ANKRD36C: variants seen among roughly 807,000 people sequenced by gnomAD.
ANKRD36C encodes the protein ankyrin repeat domain 36C.
ANKRD36C carries 61 observed loss-of-function variants against 276.4 expected under a neutral mutation model. The ratio of observed to expected loss-of-function variants is 0.22; its 90% CI spans 0.18 to 0.27. The LOEUF is 0.27. Among genes scored for constraint, ANKRD36C ranks in the 10% least tolerant of loss-of-function variants. The pLI, the probability that ANKRD36C is intolerant of heterozygous loss-of-function variation, is 1.00. For synonymous variants in ANKRD36C, 483 were observed against 680.1 expected (o/e 0.71, Z 4.51); for missense variants, 1,447 against 2,032.3 (o/e 0.71, Z 5.54).
intron 26 of ANKRD36C, among the ~76,000 whole-genome samples, chr2:95,927,661 A>G (rs1677444619): frequency 6.6e-6 from 1 of 151,618 alleles, no homozygotes; most frequent in Admixed American, 6.6e-5. Flanking sequence ...CTAAAATAAA[A>G]CCGTGTCAAT....
chr2:95,931,839 T>TACACACACATAAACACACAC, intron 24 of ANKRD36C, among the ~76,000 whole-genome samples: 1 of 115,464 alleles, frequency 8.7e-6, no homozygotes, highest in Non-Finnish European at 2.0e-5. Context: ...GAGAAAAAAA[T>TACACACACATAAACACACAC]ACACACACAT....
Position 95,982,354 on chromosome 2 carries a change from A to T in ANKRD36C, c.495T>A (p.Tyr165Ter). The stretch of plus-strand genomic sequence containing the variant: ...GACTCACAGCAAGGAACAGTGGCGG[A>T]TATTCATCCTGTAAAATAACAGCAA... The change falls in exon 4 of 67, where the codon TAT (tyrosine) becomes TAA (stop). Residue 165 changes from tyrosine to a stop codon, truncating the protein, a stop_gained. Coordinates refer to ENST00000456556, the Ensembl canonical transcript of ANKRD36C. LOFTEE classifies it high-confidence loss of function. 1 of 1,538,732 alleles carries T rather than the reference A, an allele frequency of 6.5e-7. No individual in the cohort carries two copies. Among genetic ancestry groups the T allele is most frequent in the South Asian group, 1.2e-5 (1 of 80,658 alleles).
In ANKRD36C at chr2:95,854,374, A is replaced by G. The variant is rs555016084; in HGVS notation, c.4996-513T>C. Among the ~76,000 whole-genome samples, 4 of 151,566 alleles carry G rather than the reference A, an allele frequency of 2.6e-5. No individual in the cohort carries two copies. The East Asian group carries it at 5.9e-4, about 22-fold the overall frequency. On this transcript the variant is annotated intron_variant, in intron 63 of 66. Transcript: ENST00000456556. ...CACCTCCCGCCCTGACTCAGCTGCT[A>G]TATCTCTCCTCCGTACTCACTCCAT...
intron 42 of ANKRD36C, 107 bp from the exon 45 acceptor site, chr2:95,910,675 G>A (rs527504628): frequency 3.2e-5 from 50 of 1,565,080 alleles, no homozygotes; most frequent in Admixed American, 9.0e-5. Flanking sequence ...CTGTATTAGC[G>A]CAGGCTTTGA....
At chr2:95,954,066 C>A (rs1407856371) in intron 13 of ANKRD36C, 61 bp from the exon 14 acceptor site, 52 of 1,530,488 alleles carry the variant, frequency 3.4e-5, no homozygotes, top group Non-Finnish European at 3.8e-5. Flanking sequence ...AAAACAAAAA[C>A]CGTCAGTCTA....
chr2:95,867,688 G>A, intron 59 of ANKRD36C, 107 bp from the exon 80 acceptor site: 4 of 1,522,108 alleles, frequency 2.6e-6, no homozygotes, highest in Non-Finnish European at 3.5e-6. Flanking sequence ...CACAAACACA[G>A]GTACCTGTTC....
rs186926302 is a variant in ANKRD36C, at chr2:95,893,783, G to C, written c.2756-1923C>G. On this transcript the variant is annotated intron_variant, in intron 44 of 66. Coordinates refer to ENST00000456556, the Ensembl canonical transcript of ANKRD36C. ...TGTAAATATGACAAAGATATCCATA[G>C]ATTCATGCAGAGTTAGCATCAAACT... 5.3e-3 allele frequency: 8,494 copies of C among 1,599,502 alleles called. 69 individuals carry two copies. The highest frequency in any genetic ancestry group is 0.02 in the Middle Eastern group (89 of 4,390).
chr2:95,865,304 T>C (rs897014023), intron 60 of ANKRD36C, among the ~76,000 whole-genome samples: 1 of 151,996 alleles, frequency 6.6e-6, no homozygotes, highest in Admixed American at 6.6e-5. Context: ...TATGACCCAA[T>C]CCCAACTTAA....
chr2:95,896,877 G>A (rs905340978), intron 44 of ANKRD36C, among the ~76,000 whole-genome samples: 2 of 149,144 alleles, frequency 1.3e-5, no homozygotes, highest in Admixed American at 6.7e-5. Flanking sequence ...CAGTGTCTAC[G>A]GGTTGTTACA....
intron 59 of ANKRD36C, among the ~76,000 whole-genome samples, chr2:95,875,668 C>T (rs1675933654): frequency 6.6e-6 from 1 of 151,934 alleles, no homozygotes; most frequent in Non-Finnish European, 1.5e-5. Context: ...TTCCCTAAAA[C>T]TTAAAGTATA....
intron 6 of ANKRD36C, among the ~76,000 whole-genome samples, chr2:95,970,266 G>C (rs943842329): frequency 1.3e-5 from 2 of 152,126 alleles, no homozygotes; most frequent in Admixed American, 1.3e-4. Context: ...GAAGATTCTG[G>C]TAGTTTGCTT....
At chr2:95,865,099 T>C (rs1398882469) in intron 60 of ANKRD36C, among the ~76,000 whole-genome samples, 1 of 152,008 alleles carries the variant, frequency 6.6e-6, no homozygotes, top group Non-Finnish European at 1.5e-5. Context: ...CTACATTAAG[T>C]AAACTATCAT....
At chr2:95,973,649 A>C (rs1678743105) in intron 6 of ANKRD36C, among the ~76,000 whole-genome samples, 1 of 152,152 alleles carries the variant, frequency 6.6e-6, no homozygotes, top group African/African-American at 2.4e-5. Flanking sequence ...AAAGTCAAAA[A>C]CTGCATTTAA....
intron 19 of ANKRD36C, among the ~76,000 whole-genome samples, chr2:95,944,004 T>C (rs1183715914): frequency 6.6e-6 from 1 of 152,234 alleles, no homozygotes; most frequent in Non-Finnish European, 1.5e-5. Flanking sequence ...TATTTTTAAA[T>C]GTAAAACAGA....
chr2:95,880,558 A>C, intron 57 of ANKRD36C, 37 bp downstream of exon 77: 1 of 1,533,214 alleles, frequency 6.5e-7, no homozygotes, highest in South Asian at 1.2e-5. Context: ...TAGGTTATGC[A>C]GTTAATAATT....
intron 42 of ANKRD36C, 73 bp downstream of exon 46, chr2:95,910,300 C>A: frequency 6.9e-7 from 1 of 1,452,464 alleles, no homozygotes. Context: ...GAGCCACCCG[C>A]TGCTTTATTT....
intron 6 of ANKRD36C, among the ~76,000 whole-genome samples, chr2:95,976,928 C>T (rs1002317151): frequency 2.6e-5 from 4 of 152,018 alleles, no homozygotes; most frequent in Admixed American, 6.6e-5. Context: ...CATTCTCCTT[C>T]ACCAACTCTT....
chr2:95,913,188 T>G (rs1676987209), intron 40 of ANKRD36C, among the ~76,000 whole-genome samples: 1 of 149,558 alleles, frequency 6.7e-6, no homozygotes. Flanking sequence ...AAGCATTAGA[T>G]ATTAATCAGT....
At chr2:95,890,098 A>C in intron 46 of ANKRD36C, 104 bp from the exon 67 acceptor site, 1 of 1,437,798 alleles carries the variant, frequency 7.0e-7, no homozygotes, top group Non-Finnish European at 9.7e-7. Flanking sequence ...TGCCTGTATT[A>C]GTGTAGGCTT....
Sources: gnomAD v4.1 joint callset for allele counts (sites outside exome capture counted in the v4.1 genomes callset) on GRCh38, gnomAD v4.1.1 for gene constraint, MANE v1.5 for transcripts, NCBI Gene and HGNC (gene_info 2026-07-23, HGNC 2026-07-21) for gene names.